CTNND2: variants seen among roughly 807,000 people sequenced by gnomAD.
CTNND2 encodes catenin delta-2.
A neutral mutation model predicts 144.4 loss-of-function variants in CTNND2; 22 were observed. That is an observed-to-expected ratio of 0.15 (90% CI 0.11 to 0.22). The LOEUF (loss-of-function observed/expected upper bound fraction) is 0.22. Among genes scored for constraint, CTNND2 ranks in the 10% least tolerant of loss-of-function variants. CTNND2 has a pLI of 1.00. For synonymous variants in CTNND2, 751 were observed against 695.6 expected (o/e 1.08, Z -1.25); for missense variants, 1,353 against 1,618.8 (o/e 0.84, Z 2.82).
intron 2 of CTNND2, among the ~76,000 whole-genome samples, chr5:11,591,555 C>CT (rs76364086): frequency 0.79 from 118,960 of 150,756 alleles, 47,387 homozygotes; most frequent in Middle Eastern, 0.92. Context: ...CTATTTTTTT[C>CT]TTTTTTTTGA....
At chr5:11,636,413 G>T (rs908934895) in intron 2 of CTNND2, among the ~76,000 whole-genome samples, 3 of 152,102 alleles carry the variant, frequency 2.0e-5, no homozygotes, top group African/African-American at 7.2e-5. Flanking sequence ...TCCAGATCCT[G>T]AATGTAACAG....
At chr5:11,604,775 C>A (rs1779966808) in intron 2 of CTNND2, among the ~76,000 whole-genome samples, 1 of 152,146 alleles carries the variant, frequency 6.6e-6, no homozygotes, top group South Asian at 2.1e-4. Flanking sequence ...TTGGTATTTT[C>A]AGAAGCATTT....
intron 1 of CTNND2, among the ~76,000 whole-genome samples, chr5:11,886,883 C>G (rs1327399440): frequency 6.7e-6 from 1 of 149,290 alleles, no homozygotes; most frequent in Non-Finnish European, 1.5e-5. Context: ...AAGCCATTCT[C>G]TAAACAAAAT....
At chr5:11,764,229 G>C (rs1789446662) in intron 1 of CTNND2, among the ~76,000 whole-genome samples, 2 of 152,156 alleles carry the variant, frequency 1.3e-5, no homozygotes, top group Admixed American at 6.5e-5. Flanking sequence ...AGAAGGCAGG[G>C]AAATGGGTTC....
intron 1 of CTNND2, among the ~76,000 whole-genome samples, chr5:11,865,508 T>C (rs1312949570): frequency 6.6e-6 from 1 of 152,152 alleles, no homozygotes; most frequent in African/African-American, 2.4e-5. Context: ...AAATAAACTC[T>C]TGATATAATT....
In CTNND2 at chr5:11,082,766, G is replaced by C. The variant is rs780243972; in HGVS notation, c.2718C>G (p.Asp906Glu). Residue 906 changes from aspartate to glutamate, a missense_variant, in exon 16 of 22, where the codon GAC (aspartate) becomes GAG (glutamate). By Grantham distance (45) the Asp-to-Glu change is conservative. Transcript: ENST00000304623. ...ILVELLRIDN[D>E]RVVCAVATAL... ...CAGTGGCCACCGCGCACACCACACG[G>C]TCATTGTCTATTCGGAGCAGCTCCA... 3 of 1,614,020 alleles carry C rather than the reference G, an allele frequency of 1.9e-6. No homozygotes were observed. The African/African-American group carries it at 4.0e-5, about 22-fold the overall frequency.
chr5:11,069,444 T>C (rs956366499), intron 16 of CTNND2, among the ~76,000 whole-genome samples: 1 of 152,198 alleles, frequency 6.6e-6, no homozygotes, highest in Non-Finnish European at 1.5e-5. Context: ...ATGAGCCATC[T>C]AAGTGAGTTA....
chr5:11,176,097 G>A (rs908670212), intron 11 of CTNND2, among the ~76,000 whole-genome samples: 2 of 152,198 alleles, frequency 1.3e-5, no homozygotes, highest in African/African-American at 2.4e-5. Flanking sequence ...AAAAGTTGCA[G>A]AGCTGTAGAG....
chr5:11,216,508 A>C (rs1402586746), intron 10 of CTNND2, among the ~76,000 whole-genome samples: 2 of 152,224 alleles, frequency 1.3e-5, no homozygotes, highest in South Asian at 2.1e-4. Context: ...TAGACCAAGG[A>C]ATGCAAGAAG....
At chr5:11,512,973 G>A (rs1001545822) in intron 3 of CTNND2, among the ~76,000 whole-genome samples, 17 of 152,124 alleles carry the variant, frequency 1.1e-4, no homozygotes, top group Non-Finnish European at 2.4e-4. Context: ...TTCCTTCTCT[G>A]CACCATGAAA....
chr5:11,819,628 T>C (rs547040017), intron 1 of CTNND2, among the ~76,000 whole-genome samples: 4 of 152,202 alleles, frequency 2.6e-5, no homozygotes, highest in Non-Finnish European at 5.9e-5. Flanking sequence ...CTTTTGGGTC[T>C]TCCTAAAGAC....
At chr5:11,693,047 T>C (rs1784982532) in intron 2 of CTNND2, among the ~76,000 whole-genome samples, 1 of 152,220 alleles carries the variant, frequency 6.6e-6, no homozygotes, top group Non-Finnish European at 1.5e-5. Context: ...TTTTCATATA[T>C]TATACATATA....
chr5:11,469,778 T>C (rs2149951603), intron 3 of CTNND2, among the ~76,000 whole-genome samples: 1 of 152,280 alleles, frequency 6.6e-6, no homozygotes, highest in South Asian at 2.1e-4. Context: ...TGCTCCATTT[T>C]CATCTTGAAA....
intron 3 of CTNND2, among the ~76,000 whole-genome samples, chr5:11,484,144 T>C (rs1159299445): frequency 6.6e-6 from 1 of 152,170 alleles, no homozygotes; most frequent in Non-Finnish European, 1.5e-5. Flanking sequence ...CTTTCATGTG[T>C]CCTTAACTAT....
rs1758806816 is a variant in CTNND2, at chr5:11,384,212, G to T, written c.1177+453C>A. On this transcript the variant is annotated intron_variant, in intron 7 of 21. Transcript: ENST00000304623. The surrounding 1 kb of genome is among the most constrained non-coding windows in gnomAD (Gnocchi z 5.2). ...TTTCCCCACTACTATTGAAAACTAT[G>T]TAAGCTGAACGTCTAATTTGAGAAA... 6.6e-6 allele frequency among the ~76,000 whole-genome samples: 1 copy of T among 152,200 alleles called. No individual in the cohort carries two copies. Among genetic ancestry groups the T allele is most frequent in the Non-Finnish European group, 1.5e-5 (1 of 68,034 alleles).
chr5:11,352,170 G>C (rs1031315103), intron 8 of CTNND2, among the ~76,000 whole-genome samples: 2 of 152,154 alleles, frequency 1.3e-5, no homozygotes, highest in African/African-American at 2.4e-5. Context: ...ATGATTCTTA[G>C]TAGTAATGGA....
At chr5:11,834,986 A>G (rs952534016) in intron 1 of CTNND2, among the ~76,000 whole-genome samples, 1 of 143,674 alleles carries the variant, frequency 7.0e-6, no homozygotes, top group Non-Finnish European at 1.5e-5. Flanking sequence ...AAAAAATACA[A>G]AAATCAGCCA....
rs1756818534 is a variant in CTNND2, at chr5:11,364,903, A to C, written c.1178-13T>G. On this transcript the variant is annotated splice_polypyrimidine_tract_variant and intron_variant, in intron 7 of 21. Transcript: ENST00000304623. ...GCTCGGGAACCAGCTGAAATAAATC[A>C]ACAGAGGGACATCAAAGCTCAGGCG... The C allele has an allele frequency of 6.2e-7, 1 of 1,605,338 alleles. No homozygotes were observed. The highest frequency in any genetic ancestry group is 1.1e-5 in the South Asian group (1 of 89,618).
At chr5:11,367,871 A>C (rs1163496307) in intron 7 of CTNND2, among the ~76,000 whole-genome samples, 1 of 152,202 alleles carries the variant, frequency 6.6e-6, no homozygotes, top group Non-Finnish European at 1.5e-5. Context: ...TGACAGACAT[A>C]ATGTCATGCA....
Sources: allele counts gnomAD v4.1 joint callset (sites outside exome capture counted in the v4.1 genomes callset), GRCh38; gene constraint gnomAD v4.1.1; non-coding constraint Gnocchi (gnomAD v3.1); transcripts MANE v1.5; gene names NCBI Gene and HGNC (gene_info 2026-07-23, HGNC 2026-07-21).